The following ELP4 variants were observed in gnomAD, a reference collection of about 807,000 sequenced individuals.
ELP4 encodes the protein elongator acetyltransferase complex subunit 4.
A neutral mutation model predicts 48.9 loss-of-function variants in ELP4; 51 were observed. The ratio of observed to expected loss-of-function variants is 1.04; its 90% CI spans 0.83 to 1.32. ELP4 has a LOEUF of 1.32. ELP4 is among the 40% of genes most tolerant of loss of function. ELP4 has a pLI of 0.00. For missense variants in ELP4, 519 were observed against 514.6 expected, an observed-to-expected ratio of 1.01 and a Z score of -0.08; for synonymous variants, 210 against 189.2, an observed-to-expected ratio of 1.11 and a Z score of -0.90.
intron 9 of ELP4, among the ~76,000 whole-genome samples, chr11:31,656,221 G>A (rs1945430039): frequency 6.6e-6 from 1 of 151,998 alleles, no homozygotes; most frequent in Non-Finnish European, 1.5e-5. Flanking sequence ...TTTCCATTCT[G>A]AGAAAAGCCT....
At chr11:31,747,866 A>G (rs1947631398) in intron 9 of ELP4, among the ~76,000 whole-genome samples, 1 of 152,266 alleles carries the variant, frequency 6.6e-6, no homozygotes, top group Non-Finnish European at 1.5e-5. Flanking sequence ...GCAACCTAGC[A>G]GACAGGTAGT....
intron 5 of ELP4, among the ~76,000 whole-genome samples, chr11:31,611,494 C>G (rs1230664879): frequency 6.6e-6 from 1 of 152,128 alleles, no homozygotes; most frequent in African/African-American, 2.4e-5. Context: ...ATCTCTCTCT[C>G]TCATCTCACT....
At chr11:31,538,342 A>G (rs1956537115) in intron 2 of ELP4, among the ~76,000 whole-genome samples, 1 of 148,362 alleles carries the variant, frequency 6.7e-6, no homozygotes, top group African/African-American at 2.4e-5. Context: ...TTACTCTATT[A>G]TATTGCATTA....
intron 5 of ELP4, among the ~76,000 whole-genome samples, chr11:31,620,392 C>T (rs1295008737): frequency 2.0e-5 from 3 of 151,924 alleles, no homozygotes; most frequent in Non-Finnish European, 4.4e-5. Flanking sequence ...ATATAGAGAT[C>T]TCAGCAGGGT....
chr11:31,618,223 TTG>T (rs1007973831), intron 5 of ELP4, among the ~76,000 whole-genome samples: 1 of 152,090 alleles, frequency 6.6e-6, no homozygotes, highest in Non-Finnish European at 1.5e-5. Context: ...GAGAAAACAA[TTG>T]TCTTAGTCTG....
chr11:31,634,692 A>G (rs1944935852), intron 7 of ELP4, among the ~76,000 whole-genome samples: 1 of 151,984 alleles, frequency 6.6e-6, no homozygotes, highest in Non-Finnish European at 1.5e-5. Context: ...CTGAAACAAT[A>G]TTTTAACTTT....
chr11:31,587,253 C>T (rs1957491409), intron 3 of ELP4, among the ~76,000 whole-genome samples: 1 of 152,050 alleles, frequency 6.6e-6, no homozygotes, highest in Non-Finnish European at 1.5e-5. Context: ...TTAAAAGGAC[C>T]AGTGGTGAAT....
intron 9 of ELP4, among the ~76,000 whole-genome samples, chr11:31,657,097 G>A (rs1342530215): frequency 6.6e-6 from 1 of 151,972 alleles, no homozygotes; most frequent in African/African-American, 2.4e-5. Context: ...TATCCTCCAA[G>A]GTGCCTGTAA....
chr11:31,746,654 C>A (rs1010057250), intron 9 of ELP4, among the ~76,000 whole-genome samples: 2 of 151,948 alleles, frequency 1.3e-5, no homozygotes, highest in Non-Finnish European at 2.9e-5. Context: ...AACCAAACAC[C>A]ACATGTTCTC....
chr11:31,681,261 T>C (rs527427037), intron 9 of ELP4, among the ~76,000 whole-genome samples: 1 of 152,302 alleles, frequency 6.6e-6, no homozygotes, highest in Non-Finnish European at 1.5e-5. Context: ...TTAGGCTTGG[T>C]TCTGCGTTGT....
At chr11:31,744,715 A>C (rs2134227110) in intron 9 of ELP4, among the ~76,000 whole-genome samples, 1 of 152,296 alleles carries the variant, frequency 6.6e-6, no homozygotes, top group Non-Finnish European at 1.5e-5. Flanking sequence ...ACTCTCAATA[A>C]ATTAGGTATT....
chr11:31,683,066 C>T (rs1054431518), intron 9 of ELP4, among the ~76,000 whole-genome samples: 3 of 151,948 alleles, frequency 2.0e-5, no homozygotes, highest in Non-Finnish European at 4.4e-5. Context: ...ACTTATTTTT[C>T]TTTACCTTCC....
At chr11:31,721,069 C>G (rs969150741) in intron 9 of ELP4, among the ~76,000 whole-genome samples, 2 of 152,202 alleles carry the variant, frequency 1.3e-5, no homozygotes, top group African/African-American at 4.8e-5. Flanking sequence ...GCTTTGGAAG[C>G]TGTCTTATAT....
chr11:31,638,964 G>A (rs1265778095), intron 7 of ELP4, among the ~76,000 whole-genome samples: 1 of 151,750 alleles, frequency 6.6e-6, no homozygotes, highest in Non-Finnish European at 1.5e-5. Flanking sequence ...TAAATTTTGG[G>A]AAAATATTTT....
At chr11:31,518,755 G>A (rs185787428) in intron 1 of ELP4, among the ~76,000 whole-genome samples, 3 of 151,874 alleles carry the variant, frequency 2.0e-5, no homozygotes, top group Admixed American at 6.6e-5. Flanking sequence ...AATTAGCTGG[G>A]TGTAGTGGTG....
chr11:31,712,858 A>G (rs1275205937), intron 9 of ELP4, among the ~76,000 whole-genome samples: 1 of 152,212 alleles, frequency 6.6e-6, no homozygotes, highest in Non-Finnish European at 1.5e-5. Flanking sequence ...TTAAATGAAG[A>G]CATCAATTGT....
chr11:31,642,462 G>A (rs1592184459), intron 7 of ELP4, among the ~76,000 whole-genome samples: 1 of 151,770 alleles, frequency 6.6e-6, no homozygotes, highest in East Asian at 1.9e-4. Flanking sequence ...TGATATCTTA[G>A]CAGTTTTTTT....
chr11:31,536,193 T>G (rs970953123), intron 2 of ELP4, among the ~76,000 whole-genome samples: 1 of 151,652 alleles, frequency 6.6e-6, no homozygotes, highest in Non-Finnish European at 1.5e-5. Flanking sequence ...TTTCAGTTTT[T>G]GGCTATTAAA....
chr11:31,741,713 CAGAA>C (rs1947455871), intron 9 of ELP4, among the ~76,000 whole-genome samples: 1 of 152,160 alleles, frequency 6.6e-6, no homozygotes, highest in East Asian at 1.9e-4. Flanking sequence ...AACTAACAAA[CAGAA>C]AGGACATCAA....
Sources: allele counts gnomAD v4.1 joint callset (sites outside exome capture counted in the v4.1 genomes callset), GRCh38; gene constraint gnomAD v4.1.1; transcripts MANE v1.5; gene names NCBI Gene and HGNC (gene_info 2026-07-23, HGNC 2026-07-21).